Variants in KMT2C observed in about 807,000 individuals in gnomAD.
KMT2C encodes the protein lysine methyltransferase 2C.
In KMT2C, 88 loss-of-function variants were observed where a neutral mutation model predicts 507.9. The observed-to-expected ratio is 0.17, with a 90% CI of 0.15 to 0.21. KMT2C has a LOEUF of 0.21. KMT2C is among the 10% of genes least tolerant of loss of function. KMT2C has a pLI of 1.00. For missense variants in KMT2C, 4,954 were observed against 5,957.8 expected (o/e 0.83, Z 5.55); for synonymous variants, 2,049 against 2,080.8 (o/e 0.98, Z 0.42).
In KMT2C at chr7:152,250,874, T is replaced by A. The variant is rs745986389; in HGVS notation, c.1714A>T (p.Thr572Ser). 2.5e-6 allele frequency: 4 copies of A among 1,597,178 alleles called. No homozygotes were observed. Among genetic ancestry groups the A allele is most frequent in the Non-Finnish European group, 3.4e-6 (4 of 1,164,752 alleles). ...ANKDVNGQES[T>S]PGIVPDAVQV... Reference sequence around the variant, plus strand: ...TTACCATCTGGAACAATTCCAGGAGTGGACTCCTGACCGTTGACATCTTTA... The same window carrying A: ...TTACCATCTGGAACAATTCCAGGAGAGGACTCCTGACCGTTGACATCTTTA... The change falls in exon 12 of 59, where the codon ACT becomes TCT. Residue 572 changes from threonine to serine, a missense_variant. Physicochemically the swap from Thr to Ser is moderately conservative, Grantham distance 58. This residue lies in a region of KMT2C where 376 missense variants were observed against 352.4 expected (regional missense o/e 1.07). Transcript: ENST00000262189.
At chr7:152,309,867 T>C in intron 6 of KMT2C, 99 bp downstream of exon 6, 3 of 772,966 alleles carry the variant, frequency 3.9e-6, no homozygotes, top group Non-Finnish European at 6.4e-6. Context: ...TTTGAGAGCT[T>C]TTACACTACA....
intron 2 of KMT2C, among the ~76,000 whole-genome samples, chr7:152,347,793 T>A (rs1051665153): frequency 1.3e-5 from 2 of 152,226 alleles, no homozygotes; most frequent in African/African-American, 4.8e-5. Context: ...CATTCATGCA[T>A]ACCTTTTTCT....
intron 6 of KMT2C, among the ~76,000 whole-genome samples, chr7:152,308,900 C>T (rs2096644844): frequency 6.6e-6 from 1 of 151,960 alleles, no homozygotes; most frequent in Non-Finnish European, 1.5e-5. Context: ...AGTTTGCTGT[C>T]TTTATAGATG....
intron 43 of KMT2C, among the ~76,000 whole-genome samples, chr7:152,159,815 T>C (rs1394450320): frequency 1.3e-5 from 2 of 152,342 alleles, no homozygotes; most frequent in East Asian, 3.9e-4. Context: ...ATTTCTAAAT[T>C]TAACAGCAGT....
At chr7:152,234,248 G>A (rs1383295677) in intron 16 of KMT2C, among the ~76,000 whole-genome samples, 1 of 152,154 alleles carries the variant, frequency 6.6e-6, no homozygotes, top group Non-Finnish European at 1.5e-5. Flanking sequence ...CAGGCGTGGT[G>A]GCAGGCACCT....
Position 152,146,747 on chromosome 7 carries a change from CAA to C in KMT2C, c.13895-14_13895-13del, listed in dbSNP as rs758147175. Reference sequence around the variant, plus strand: ...CTTATCCCAGACACCTACACAGGGACAAAAACATAATTTTTATAGGAAATAGG... The same window carrying C: ...CTTATCCCAGACACCTACACAGGGACAAACATAATTTTTATAGGAAATAGG... On this transcript the variant is annotated splice_polypyrimidine_tract_variant and intron_variant, in intron 52 of 58. Transcript: ENST00000262189. The C allele has an allele frequency of 2.2e-5, 36 of 1,611,472 alleles. No homozygotes were observed. The highest frequency in any genetic ancestry group is 1.8e-4 in the Admixed American group (11 of 59,894).
At chr7:152,412,811 T>C (rs76933037) in intron 1 of KMT2C, among the ~76,000 whole-genome samples, 49 of 148,640 alleles carry the variant, frequency 3.3e-4, no homozygotes, top group African/African-American at 3.5e-4. Context: ...CTGACTTTCT[T>C]ATTGAGGCCA....
chr7:152,218,973 CTTT>C (rs34359411), intron 23 of KMT2C, among the ~76,000 whole-genome samples: 2 of 144,930 alleles, frequency 1.4e-5, no homozygotes, highest in African/African-American at 2.5e-5. Context: ...CTTCCAATTC[CTTT>C]TTTTTTTTTT....
chr7:152,194,728 G>C (rs993018935), intron 28 of KMT2C, among the ~76,000 whole-genome samples, 160 bp from the exon 29 acceptor site: 2 of 151,756 alleles, frequency 1.3e-5, no homozygotes, highest in African/African-American at 4.8e-5. Context: ...TTGGAGAGTC[G>C]CTCAGTAAAA....
At chr7:152,290,220 ATGTGTGTGTGTGTGTGTG>A (rs71198772) in intron 6 of KMT2C, among the ~76,000 whole-genome samples, 2 of 86,280 alleles carry the variant, frequency 2.3e-5, no homozygotes, top group South Asian at 1.0e-3. Flanking sequence ...TTATATATAT[ATGTGTGTGTGTGTGTGTG>A]TGTGTGTGTG....
chr7:152,252,752 T>C (rs2095581039), intron 9 of KMT2C, 37 bp from the exon 10 acceptor site: 1 of 1,478,468 alleles, frequency 6.8e-7, no homozygotes, highest in South Asian at 1.2e-5. Context: ...AAACAGTTTG[T>C]TATGCATTTG....
chr7:152,231,644 G>A (rs142358394), intron 16 of KMT2C, among the ~76,000 whole-genome samples: 2,729 of 152,210 alleles, frequency 0.018, 28 homozygotes, highest in African/African-American at 0.062. Context: ...AGCCAAGCGT[G>A]GTGGCACACG....
Position 152,194,441 on chromosome 7 carries a change from A to G in KMT2C, c.4506T>C (p.Asp1502=). 1 of 1,613,344 alleles carries G rather than the reference A, an allele frequency of 6.2e-7. No homozygotes were observed. Among genetic ancestry groups the G allele is most frequent in the Non-Finnish European group, 8.5e-7 (1 of 1,179,532 alleles). ...LSPELDKMVT[D]GAILGKLYKI... is the part of the protein sequence containing the mutation. ...CTAGATGTAGGGCAAATATTTTACC[A>G]TCTGTGACCATTTTGTCTAGTTCAG... is the stretch of plus-strand genomic sequence containing the variant. The change falls in exon 29 of 59, where the codon GAT becomes GAC. Residue 1502 remains aspartate, a splice_region_variant and synonymous_variant. Coordinates refer to ENST00000262189, the MANE Select transcript of KMT2C (RefSeq NM_170606.3).
intron 5 of KMT2C, 52 bp from the exon 6 acceptor site, chr7:152,310,127 A>C (rs995589473): frequency 1.1e-5 from 13 of 1,203,614 alleles, no homozygotes; most frequent in Non-Finnish European, 1.5e-5. Flanking sequence ...AAAAAAATTA[A>C]AGCTAATAAA....
chr7:152,195,846 C>T (rs900076286), intron 28 of KMT2C, 61 bp downstream of exon 28: 1 of 887,302 alleles, frequency 1.1e-6, no homozygotes, highest in Admixed American at 2.6e-5. Flanking sequence ...TTGTTCCACA[C>T]ATCATACACC....
At chr7:152,175,349 T>A (rs1233670814) in intron 38 of KMT2C, among the ~76,000 whole-genome samples, 2 of 151,994 alleles carry the variant, frequency 1.3e-5, no homozygotes, top group Admixed American at 1.3e-4. Context: ...ATACTTTAAA[T>A]TCTGGGATAC....
In KMT2C at chr7:152,297,040, A is replaced by AGAAG. The variant is rs2096511666; in HGVS notation, c.849+12925_849+12926insCTTC. Among the ~76,000 whole-genome samples, 4 of 101,902 alleles carry AGAAG rather than the reference A, an allele frequency of 3.9e-5. No homozygotes were observed. The South Asian group carries it at 1.4e-3, about 35-fold the overall frequency. 66.9% of individuals were successfully genotyped at this position (101,902 alleles called of 152,430 possible). ...AAGAAAGAAAGAAAGAAAGAAAGAAAGAAAGAAAGAAAGACAGAGAGAGAG... is the reference window on the plus strand; with the variant it reads ...AAGAAAGAAAGAAAGAAAGAAAGAAAGAAGGAAAGAAAGAAAGACAGAGAGAGAG... On this transcript the variant is annotated intron_variant, in intron 6 of 58. Coordinates refer to ENST00000262189, the MANE Select transcript of KMT2C (RefSeq NM_170606.3).
intron 39 of KMT2C, among the ~76,000 whole-genome samples, chr7:152,172,880 T>C (rs1049686107): frequency 6.6e-6 from 1 of 152,224 alleles, no homozygotes; most frequent in African/African-American, 2.4e-5. Flanking sequence ...TTATGGTTTA[T>C]TGCTAAATTT....
intron 1 of KMT2C, among the ~76,000 whole-genome samples, chr7:152,372,775 A>T (rs1362224986): frequency 2.0e-5 from 3 of 152,208 alleles, no homozygotes; most frequent in African/African-American, 7.2e-5. Flanking sequence ...TGGGGAACTT[A>T]AATACCCCAC....
Sources: allele counts gnomAD v4.1 joint callset (sites outside exome capture counted in the v4.1 genomes callset), GRCh38; gene constraint gnomAD v4.1.1; regional missense constraint gnomAD v4.1.1; transcripts MANE v1.5; gene names NCBI Gene and HGNC (gene_info 2026-07-23, HGNC 2026-07-21).